ATXN1: variants seen among roughly 807,000 people sequenced by gnomAD.
The protein encoded by ATXN1 is ataxin-1.
Under a neutral mutation model 56.4 loss-of-function variants are expected in ATXN1, and 8 were observed. That is an observed-to-expected ratio of 0.14 (90% confidence interval 0.08 to 0.26). The LOEUF (loss-of-function observed/expected upper bound fraction) is 0.26. Ranked by LOEUF, ATXN1 falls within the 10% of genes least tolerant of loss-of-function variation. The pLI, the probability that ATXN1 is intolerant of heterozygous loss-of-function variation, is 1.00. For synonymous variants in ATXN1, 514 were observed against 494.6 expected (o/e 1.04, Z -0.52); for missense variants, 987 against 1,106.5 (o/e 0.89, Z 1.53).
intron 2 of ATXN1, among the ~76,000 whole-genome samples, chr6:16,747,306 A>G (rs1280376793): frequency 6.6e-6 from 1 of 152,144 alleles, no homozygotes; most frequent in African/African-American, 2.4e-5. Context: ...CTCGAAAAAC[A>G]TATCCCCCAG....
chr6:16,598,397 A>C (rs1460839497), intron 3 of ATXN1, among the ~76,000 whole-genome samples: 1 of 152,176 alleles, frequency 6.6e-6, no homozygotes, highest in Non-Finnish European at 1.5e-5. Flanking sequence ...GTATATCCAG[A>C]TCTCCAAAAT....
chr6:16,362,186 C>T (rs1389352528), intron 6 of ATXN1, among the ~76,000 whole-genome samples: 1 of 152,218 alleles, frequency 6.6e-6, no homozygotes, highest in African/African-American at 2.4e-5. Flanking sequence ...CTTCCCCTCA[C>T]ATTAACCAGT....
chr6:16,588,923 T>C (rs541116304), intron 3 of ATXN1, among the ~76,000 whole-genome samples: 2 of 152,292 alleles, frequency 1.3e-5, no homozygotes, highest in South Asian at 2.1e-4. Context: ...TACATTCCTT[T>C]GGGTAACATG....
chr6:16,401,946 T>C lies in ATXN1; in HGVS notation c.-160-73476A>G, dbSNP rs573136111. On this transcript the variant is annotated intron_variant, in intron 6 of 7. Coordinates refer to ENST00000436367, the MANE Select transcript of ATXN1 (RefSeq NM_001128164.2). ...CATGGCTGAGGAAGCCTCTCAATCA[T>C]GGTGGAAGGCAAGGAGGAGCAAGTC... 7.5e-4 allele frequency among the ~76,000 whole-genome samples: 114 copies of C among 152,308 alleles called. 1 individual carries two copies. The highest frequency in any genetic ancestry group is 2.5e-3 in the African/African-American group (102 of 41,562).
intron 2 of ATXN1, among the ~76,000 whole-genome samples, chr6:16,701,120 G>A (rs553577161): frequency 1.3e-3 from 195 of 152,238 alleles, no homozygotes; most frequent in African/African-American, 4.5e-3. Context: ...TTTAAAACAA[G>A]TTCCTATTTG....
chr6:16,748,556 C>A (rs1003998139), intron 2 of ATXN1, among the ~76,000 whole-genome samples: 4 of 152,164 alleles, frequency 2.6e-5, no homozygotes, highest in African/African-American at 9.7e-5. Flanking sequence ...AATAATGATG[C>A]CTACCTCAAA....
chr6:16,667,041 T>C (rs562916592), intron 2 of ATXN1: 1 of 152,320 alleles, frequency 6.6e-6, no homozygotes, highest in South Asian at 2.1e-4. Flanking sequence ...AATGGACACA[T>C]GCAATGATAA....
intron 5 of ATXN1, among the ~76,000 whole-genome samples, chr6:16,504,002 G>A (rs184495679): frequency 8.1e-4 from 124 of 152,238 alleles, no homozygotes; most frequent in Admixed American, 1.8e-3. Flanking sequence ...TCTTAAAAAT[G>A]TAATTGAATG....
chr6:16,475,556 A>G (rs773593589), intron 6 of ATXN1, among the ~76,000 whole-genome samples: 8 of 152,228 alleles, frequency 5.3e-5, no homozygotes, highest in Non-Finnish European at 1.2e-4. Flanking sequence ...TTATAGATGA[A>G]GTAAATAAGG....
At chr6:16,439,343 G>C (rs1561896074) in intron 6 of ATXN1, among the ~76,000 whole-genome samples, 4 of 11,470 alleles carry the variant, frequency 3.5e-4, no homozygotes, top group African/African-American at 1.2e-3. Context: ...TTTCGCGGGG[G>C]GGGGGGGGGG....
chr6:16,578,317 T>C (rs1277371109), intron 4 of ATXN1, among the ~76,000 whole-genome samples: 1 of 152,212 alleles, frequency 6.6e-6, no homozygotes, highest in East Asian at 1.9e-4. Context: ...TGACAAATCT[T>C]CCTTTTGCTT....
chr6:16,662,335 CTTT>C (rs56275788), intron 2 of ATXN1, among the ~76,000 whole-genome samples: 3 of 150,796 alleles, frequency 2.0e-5, no homozygotes, highest in South Asian at 4.2e-4. Context: ...CATCAAACTT[CTTT>C]TTTTTTTTTT....
At chr6:16,702,432 C>G (rs888896631) in intron 2 of ATXN1, among the ~76,000 whole-genome samples, 1 of 152,140 alleles carries the variant, frequency 6.6e-6, no homozygotes, top group African/African-American at 2.4e-5. Context: ...TGGGCAACGA[C>G]TTCATGTCTA....
At chr6:16,576,312 C>T (rs1031788188) in intron 4 of ATXN1, among the ~76,000 whole-genome samples, 2 of 152,162 alleles carry the variant, frequency 1.3e-5, no homozygotes, top group African/African-American at 4.8e-5. Context: ...TATGATAGTT[C>T]AGCCCAGCAA....
Position 16,326,714 on chromosome 6 carries a change from A to C in ATXN1, c.1597T>G (p.Phe533Val). Residue 533 changes from phenylalanine to valine, a missense_variant, in exon 7 of 8, where the codon TTC becomes GTC. By Grantham distance (50) the Phe-to-Val change is conservative. Coordinates refer to ENST00000436367, the MANE Select transcript of ATXN1 (RefSeq NM_001128164.2). The surrounding 1 kb of genome is among the most constrained non-coding windows in gnomAD (Gnocchi z 6.6). Reference protein sequence around the residue: ...VTTALPKSENFNPEALVTQAA... With the variant: ...VTTALPKSENVNPEALVTQAA... ...TGGGTGACCAGGGCCTCAGGGTTGAAGTTCTCGCTCTTGGGAAGGGCGGTG... is the reference window on the plus strand; with the variant it reads ...TGGGTGACCAGGGCCTCAGGGTTGACGTTCTCGCTCTTGGGAAGGGCGGTG... 1 of 1,613,556 alleles carries C rather than the reference A, an allele frequency of 6.2e-7. No homozygotes were observed. Among genetic ancestry groups the C allele is most frequent in the South Asian group, 1.1e-5 (1 of 91,074 alleles).
intron 2 of ATXN1, among the ~76,000 whole-genome samples, chr6:16,703,223 T>C (rs1759326451): frequency 6.6e-6 from 1 of 151,688 alleles, no homozygotes; most frequent in African/African-American, 2.4e-5. Context: ...CAGCAAACTA[T>C]CGCAAGGACA....
Position 16,400,478 on chromosome 6 carries a change from C to T in ATXN1, c.-160-72008G>A, listed in dbSNP as rs572416203. ...GGCTTCCATTTATTGTTGCAAGGTACAAGTTTTCAAGCCAGTTCTAGGTAC... is the reference window on the plus strand; with the variant it reads ...GGCTTCCATTTATTGTTGCAAGGTATAAGTTTTCAAGCCAGTTCTAGGTAC... On this transcript the variant is annotated intron_variant, in intron 6 of 7. Transcript: ENST00000436367. Among the ~76,000 whole-genome samples, 3 of 152,244 alleles carry T rather than the reference C, an allele frequency of 2.0e-5. No individual in the cohort carries two copies. In the East Asian group the frequency reaches 5.8e-4, roughly 29 times the overall value.
At chr6:16,490,969 A>G (rs1308741874) in intron 5 of ATXN1, among the ~76,000 whole-genome samples, 3 of 152,190 alleles carry the variant, frequency 2.0e-5, no homozygotes, top group African/African-American at 7.2e-5. Flanking sequence ...CCTCTTACAG[A>G]AAGCCCACTG....
chr6:16,557,482 CT>C (rs1188969159), intron 4 of ATXN1, among the ~76,000 whole-genome samples: 1 of 151,984 alleles, frequency 6.6e-6, no homozygotes, highest in African/African-American at 2.4e-5. Context: ...TATCTATAAA[CT>C]TATATGATGT....
Sources: allele counts gnomAD v4.1 joint callset (sites outside exome capture counted in the v4.1 genomes callset), GRCh38; gene constraint gnomAD v4.1.1; non-coding constraint Gnocchi (gnomAD v3.1); transcripts MANE v1.5; gene names NCBI Gene and HGNC (gene_info 2026-07-23, HGNC 2026-07-21).